NDUFAF2: variants seen among roughly 807,000 people sequenced by gnomAD.
The protein encoded by NDUFAF2 is NADH dehydrogenase [ubiquinone] 1 alpha subcomplex assembly factor 2.
NDUFAF2 carries 13 observed loss-of-function variants against 22.8 expected under a neutral mutation model. The ratio of observed to expected loss-of-function variants is 0.57; its 90% CI spans 0.37 to 0.91. The LOEUF (loss-of-function observed/expected upper bound fraction) is 0.91. Ranked by LOEUF, NDUFAF2 falls within the 40% of genes least tolerant of loss-of-function variation. The pLI, the probability that NDUFAF2 is intolerant of heterozygous loss-of-function variation, is 0.01. For missense variants in NDUFAF2, 162 were observed against 195.2 expected (o/e 0.83, Z 1.01); for synonymous variants, 53 against 64.2 (o/e 0.83, Z 0.84).
In NDUFAF2 at chr5:61,040,286, A is replaced by ACACGCG. The variant is rs1491193758; in HGVS notation, c.128-32838_128-32837insACGCGC. Among the ~76,000 whole-genome samples, 130 of 93,086 alleles carry ACACGCG rather than the reference A, an allele frequency of 1.4e-3. 1 individual carries two copies. Among genetic ancestry groups the ACACGCG allele is most frequent in the East Asian group, 8.8e-3 (31 of 3,504 alleles). 61.1% of individuals were successfully genotyped at this position (93,086 alleles called of 152,430 possible). A position where few individuals can be genotyped will look rare whatever the true frequency, so the allele number is the denominator to read the frequency against. Reference sequence around the variant, plus strand: ...CACACACACACACACACACACACACACGCGCGCGCGCGCGCGAAAGTTGAA... The same window carrying ACACGCG: ...CACACACACACACACACACACACACACACGCGCGCGCGCGCGCGCGCGAAAGTTGAA... On this transcript the variant is annotated intron_variant, in intron 1 of 3. Coordinates refer to ENST00000296597, the MANE Select transcript of NDUFAF2 (RefSeq NM_174889.5).
intron 1 of NDUFAF2, among the ~76,000 whole-genome samples, chr5:60,950,562 C>T (rs959986179): frequency 2.0e-5 from 3 of 150,606 alleles, no homozygotes; most frequent in Non-Finnish European, 4.4e-5. Flanking sequence ...AGTTCCCTGT[C>T]TGTACCTCGT....
intron 1 of NDUFAF2, among the ~76,000 whole-genome samples, chr5:61,023,139 C>T (rs2112605070): frequency 6.6e-6 from 1 of 152,192 alleles, no homozygotes; most frequent in East Asian, 1.9e-4. Context: ...TCTAGAATGC[C>T]TAGTAAAGAT....
rs370153139 is a variant in NDUFAF2 at position 61,074,756 on chromosome 5, G to A, written c.217+1542G>A. 4.3e-4 allele frequency among the ~76,000 whole-genome samples: 65 copies of A among 152,156 alleles called. No homozygotes were observed. The South Asian group carries it at 6.0e-3, about 14-fold the overall frequency. On this transcript the variant is annotated intron_variant, in intron 2 of 3. Transcript: ENST00000296597. ...GCTTGGGCAACAAGAGCGAAACTCC[G>A]TCTCAAAAAAGAAAAGAAAAGAAAA...
chr5:61,056,851 T>C (rs1283218096), intron 1 of NDUFAF2, among the ~76,000 whole-genome samples: 4 of 120,364 alleles, frequency 3.3e-5, no homozygotes, highest in African/African-American at 1.3e-4. Flanking sequence ...ATCACGCCAT[T>C]GCACTCCAGC....
intron 1 of NDUFAF2, among the ~76,000 whole-genome samples, chr5:60,960,236 A>G (rs754650538): frequency 5.9e-5 from 9 of 152,172 alleles, no homozygotes; most frequent in Non-Finnish European, 5.9e-5. Context: ...ATTGCTTTAT[A>G]TTAAGAATAG....
At chr5:61,129,631 G>A (rs945779999) in intron 3 of NDUFAF2, among the ~76,000 whole-genome samples, 3 of 149,252 alleles carry the variant, frequency 2.0e-5, no homozygotes, top group African/African-American at 7.4e-5. Flanking sequence ...ATCACACAAT[G>A]GGGCCTGTTG....
At chr5:61,062,725 T>C (rs1752180853) in intron 1 of NDUFAF2, among the ~76,000 whole-genome samples, 1 of 152,114 alleles carries the variant, frequency 6.6e-6, no homozygotes, top group African/African-American at 2.4e-5. Flanking sequence ...CCAAATAGAT[T>C]GAACCCAAAG....
At chr5:61,151,506 T>G (rs941803153) in intron 3 of NDUFAF2, among the ~76,000 whole-genome samples, 12 of 152,170 alleles carry the variant, frequency 7.9e-5, no homozygotes, top group African/African-American at 2.9e-4. Flanking sequence ...GGACCAGGCG[T>G]GGTGGCTCAT....
intron 1 of NDUFAF2, among the ~76,000 whole-genome samples, chr5:61,045,838 A>G (rs375397014): frequency 1.3e-5 from 2 of 152,140 alleles, no homozygotes; most frequent in East Asian, 3.9e-4. Flanking sequence ...TGTTCTTTCT[A>G]GGACTTCCAG....
intron 2 of NDUFAF2, among the ~76,000 whole-genome samples, chr5:61,076,305 A>T (rs1752369842): frequency 6.6e-6 from 1 of 151,892 alleles, no homozygotes; most frequent in South Asian, 2.1e-4. Context: ...CCATCTCCTG[A>T]CCTCGTGATC....
rs576242576 is a variant in NDUFAF2 at position 61,104,311 on chromosome 5, A to G, written c.258+5279A>G. 1.1e-4 allele frequency among the ~76,000 whole-genome samples: 17 copies of G among 152,240 alleles called. No homozygotes were observed. In the South Asian group the frequency reaches 3.5e-3, roughly 32 times the overall value. On this transcript the variant is annotated intron_variant, in intron 3 of 3. Transcript: ENST00000296597. Reference sequence around the variant, plus strand: ...TATTGCTTCTTTTTTTTATACTAACACAATAGGAAAAGTGTAAAGTTTTTT... The same window carrying G: ...TATTGCTTCTTTTTTTTATACTAACGCAATAGGAAAAGTGTAAAGTTTTTT...
At chr5:61,115,973 T>C (rs1004171285) in intron 3 of NDUFAF2, 2 of 152,158 alleles carry the variant, frequency 1.3e-5, no homozygotes, top group African/African-American at 4.8e-5. Context: ...TAGCACTGCT[T>C]TCCTAATTTG....
intron 1 of NDUFAF2, among the ~76,000 whole-genome samples, chr5:60,946,353 C>T (rs1750454901): frequency 6.6e-6 from 1 of 152,138 alleles, no homozygotes; most frequent in East Asian, 1.9e-4. Context: ...AGCACTAAGA[C>T]CTTTCCAAGA....
rs187340511 is a variant in NDUFAF2 at position 61,094,419 on chromosome 5, T to G, written c.218-4573T>G. Among the ~76,000 whole-genome samples the G allele has an allele frequency of 3.0e-3, 459 of 152,370 alleles. 3 individuals are homozygous for G. The highest frequency in any genetic ancestry group is 6.8e-3 in the Middle Eastern group (2 of 294). On this transcript the variant is annotated intron_variant, in intron 2 of 3. Transcript: ENST00000296597. ...ATCACAATTTTTAGCTTCTTCGCAT[T>G]GGGTTACAACATGCTCCATTAGCTC... is the stretch of plus-strand genomic sequence containing the variant.
intron 1 of NDUFAF2, among the ~76,000 whole-genome samples, chr5:60,990,819 T>A (rs556393563): frequency 2.0e-5 from 3 of 152,290 alleles, no homozygotes; most frequent in Admixed American, 1.3e-4. Flanking sequence ...TTTCTAGGTG[T>A]GTGTGTGTAA....
chr5:61,077,610 T>C (rs1409656036), intron 2 of NDUFAF2, among the ~76,000 whole-genome samples: 1 of 152,084 alleles, frequency 6.6e-6, no homozygotes, highest in Non-Finnish European at 1.5e-5. Context: ...AGTCAAGAAA[T>C]ATTTTCTTTT....
intron 2 of NDUFAF2, among the ~76,000 whole-genome samples, chr5:61,081,916 A>T (rs1035589268): frequency 6.6e-6 from 1 of 152,264 alleles, no homozygotes; most frequent in Non-Finnish European, 1.5e-5. Context: ...TTGGAAAGCC[A>T]GCAGAAAGCA....
At chr5:61,026,923 T>C (rs1030986695) in intron 1 of NDUFAF2, among the ~76,000 whole-genome samples, 8 of 151,934 alleles carry the variant, frequency 5.3e-5, no homozygotes, top group African/African-American at 1.7e-4. Context: ...GTGTGTTCAT[T>C]GTTCCTGCAG....
At chr5:60,971,711 T>C (rs1213681049) in intron 1 of NDUFAF2, among the ~76,000 whole-genome samples, 4 of 149,320 alleles carry the variant, frequency 2.7e-5, no homozygotes, top group Admixed American at 6.7e-5. Flanking sequence ...GAACATGCGG[T>C]GTTTGGTTTT....
Sources: gnomAD v4.1 joint callset for allele counts (sites outside exome capture counted in the v4.1 genomes callset) on GRCh38, gnomAD v4.1.1 for gene constraint, MANE v1.5 for transcripts, NCBI Gene and HGNC (gene_info 2026-07-23, HGNC 2026-07-21) for gene names.